GAS7: variants seen among roughly 807,000 people sequenced by gnomAD.
GAS7 encodes growth arrest-specific protein 7.
In GAS7, 28 loss-of-function variants were observed where a neutral mutation model predicts 71.1. The observed-to-expected ratio is 0.39, with a 90% CI of 0.29 to 0.54. GAS7 has a LOEUF of 0.54. GAS7 is among the 20% of genes least tolerant of loss of function. The pLI is 0.62. For missense variants in GAS7, 436 were observed against 627.8 expected, an observed-to-expected ratio of 0.69 and a Z score of 3.27; for synonymous variants, 258 against 245.8, an observed-to-expected ratio of 1.05 and a Z score of -0.46.
chr17:10,023,648 G>A (rs952132409), intron 1 of GAS7, among the ~76,000 whole-genome samples: 88 of 152,372 alleles, frequency 5.8e-4, no homozygotes, highest in African/African-American at 1.9e-3. Context: ...CAGAGCCATA[G>A]AGACAGAAAC....
intron 1 of GAS7, among the ~76,000 whole-genome samples, chr17:10,086,303 C>T (rs564231254): frequency 1.1e-4 from 17 of 152,324 alleles, no homozygotes; most frequent in East Asian, 3.9e-4. Flanking sequence ...GCAGGAGTCC[C>T]GTCCACAGTC....
chr17:10,030,883 G>A lies in GAS7; in HGVS notation c.184-10986C>T, dbSNP rs570765644. Reference sequence around the variant, plus strand: ...CCCACCCCCACCAGCCTCCTTGGACGAATCCAAAAGTGACTCGCTTGGGCT... The same window carrying A: ...CCCACCCCCACCAGCCTCCTTGGACAAATCCAAAAGTGACTCGCTTGGGCT... On this transcript the variant is annotated intron_variant, in intron 1 of 13. Transcript: ENST00000432992. Among the ~76,000 whole-genome samples the A allele has an allele frequency of 1.5e-3, 223 of 152,258 alleles. 1 individual carries two copies. Among genetic ancestry groups the A allele is most frequent in the South Asian group, 2.7e-3 (13 of 4,824 alleles).
intron 1 of GAS7, among the ~76,000 whole-genome samples, chr17:10,126,618 ACACT>A (rs1361626485): frequency 1.7e-4 from 25 of 151,438 alleles, no homozygotes; most frequent in South Asian, 8.3e-4. Flanking sequence ...ACATGCAGAC[ACACT>A]CACACACTCG....
At chr17:9,999,769 C>CA (rs35417254) in intron 2 of GAS7, among the ~76,000 whole-genome samples, 12 of 151,680 alleles carry the variant, frequency 7.9e-5, no homozygotes, top group Admixed American at 2.0e-4. Flanking sequence ...AAATTCTGGG[C>CA]AAAAAAAGCT....
chr17:10,139,567 A>G (rs1189092949), intron 1 of GAS7, among the ~76,000 whole-genome samples: 2 of 152,206 alleles, frequency 1.3e-5, no homozygotes, highest in Admixed American at 6.5e-5. Flanking sequence ...ACAGCAAGGA[A>G]GTCAGGATTA....
rs555640573 is a variant in GAS7, at chr17:10,180,943, A to G, written c.183+17265T>C. Among the ~76,000 whole-genome samples, 16 of 151,848 alleles carry G rather than the reference A, an allele frequency of 1.1e-4. No individual in the cohort carries two copies. The East Asian group carries it at 2.1e-3, about 20-fold the overall frequency. On this transcript the variant is annotated intron_variant, in intron 1 of 13. Transcript: ENST00000432992. ...GGACGCTAAAGGCTTAAAAGATCAG[A>G]GACCCAATCCTTGAGCTCAAGGATT...
At chr17:10,096,967 C>T (rs928116509) in intron 1 of GAS7, among the ~76,000 whole-genome samples, 2 of 152,222 alleles carry the variant, frequency 1.3e-5, no homozygotes, top group Non-Finnish European at 2.9e-5. Context: ...ATCCCCTCAC[C>T]CTGCAGCTAT....
At chr17:9,943,382 A>T in intron 6 of GAS7, 146 bp from the exon 7 acceptor site, 1 of 620,430 alleles carries the variant, frequency 1.6e-6, no homozygotes, top group South Asian at 1.9e-5. Context: ...TGCTGCCCTA[A>T]CTCGGATCTC....
At chr17:9,944,201 C>T (rs143258346) in intron 6 of GAS7, among the ~76,000 whole-genome samples, 22 of 152,340 alleles carry the variant, frequency 1.4e-4, no homozygotes, top group Non-Finnish European at 2.6e-4. Context: ...TCTGCCCGCA[C>T]GGCCGTGGCT....
intron 1 of GAS7, among the ~76,000 whole-genome samples, chr17:10,126,388 G>A (rs934927867): frequency 2.9e-4 from 29 of 100,752 alleles, no homozygotes; most frequent in Non-Finnish European, 5.2e-4. Flanking sequence ...ACACACTCAC[G>A]CACATGCACA....
intron 2 of GAS7, among the ~76,000 whole-genome samples, chr17:10,008,796 C>T (rs1015738183): frequency 9.9e-5 from 15 of 152,096 alleles, no homozygotes; most frequent in African/African-American, 3.4e-4. Flanking sequence ...CACACACACA[C>T]GCACACACGC....
intron 1 of GAS7, among the ~76,000 whole-genome samples, chr17:10,113,810 G>A (rs55919550): frequency 5.3e-5 from 8 of 152,272 alleles, no homozygotes; most frequent in South Asian, 2.1e-4. Flanking sequence ...TTCACTCTAC[G>A]TTTTTTGTAC....
At chr17:10,155,502 C>T (rs1407560504) in intron 1 of GAS7, among the ~76,000 whole-genome samples, 1 of 152,206 alleles carries the variant, frequency 6.6e-6, no homozygotes, top group Non-Finnish European at 1.5e-5. Context: ...TCGTGAGCTT[C>T]AAATAACTGT....
chr17:10,172,990 T>C (rs2074346212), intron 1 of GAS7, among the ~76,000 whole-genome samples: 1 of 152,230 alleles, frequency 6.6e-6, no homozygotes, highest in African/African-American at 2.4e-5. Context: ...TGGAGTATTA[T>C]TCAGTCATGA....
chr17:10,102,771 T>C (rs1223924660), intron 1 of GAS7, among the ~76,000 whole-genome samples: 2 of 151,460 alleles, frequency 1.3e-5, no homozygotes, highest in Non-Finnish European at 2.9e-5. Context: ...TTTGGTTTGG[T>C]TTCCGGGTCT....
chr17:10,153,244 GT>G (rs1399712748), intron 1 of GAS7, among the ~76,000 whole-genome samples: 8 of 149,862 alleles, frequency 5.3e-5, no homozygotes, highest in Admixed American at 4.7e-4. Flanking sequence ...GCTCACGCCT[GT>G]AATCCCAGCA....
intron 5 of GAS7, among the ~76,000 whole-genome samples, chr17:9,957,733 C>T (rs532728161): frequency 6.6e-6 from 1 of 152,148 alleles, no homozygotes; most frequent in South Asian, 2.1e-4. Context: ...CCCCTACCCA[C>T]CAGCTCCATC....
chr17:10,182,869 C>A (rs1455860820), intron 1 of GAS7, among the ~76,000 whole-genome samples: 1 of 152,200 alleles, frequency 6.6e-6, no homozygotes, highest in Non-Finnish European at 1.5e-5. Flanking sequence ...AAGACAAAAA[C>A]GAATGCTTGA....
At chr17:10,012,414 A>G (rs998370958) in intron 2 of GAS7, among the ~76,000 whole-genome samples, 1 of 152,050 alleles carries the variant, frequency 6.6e-6, no homozygotes, top group African/African-American at 2.4e-5. Flanking sequence ...CAGCCTCCCA[A>G]GTAGCTGGGA....
Sources: gnomAD v4.1 joint callset for allele counts (sites outside exome capture counted in the v4.1 genomes callset) on GRCh38, gnomAD v4.1.1 for gene constraint, MANE v1.5 for transcripts, NCBI Gene and HGNC (gene_info 2026-07-23, HGNC 2026-07-21) for gene names.